Variants in CLN8 observed in about 807,000 individuals in gnomAD.
The protein encoded by CLN8 is protein CLN8.
In CLN8, 14 loss-of-function variants were observed where a neutral mutation model predicts 15.7. The ratio of observed to expected loss-of-function variants is 0.89; its 90% CI spans 0.59 to 1.39. CLN8 has a LOEUF of 1.39. Ranked by LOEUF, CLN8 falls within the 40% of genes most tolerant of loss-of-function variation. CLN8 has a pLI of 0.00. For synonymous variants in CLN8, 188 were observed against 151.0 expected (o/e 1.25, Z -1.80); for missense variants, 415 against 364.0 (o/e 1.14, Z -1.14).
Position 1,771,104 on chromosome 8 carries a change from A to G in CLN8, c.50A>G (p.Asp17Gly), listed in dbSNP as rs148668081. The G allele has an allele frequency of 3.4e-5, 55 of 1,613,860 alleles. No individual in the cohort carries two copies. The African/African-American group carries it at 5.7e-4, about 17-fold the overall frequency. ...ACATCAGAGAGCATTTTTGACCTGG[A>G]CTATGCATCCTGGGGGATCCGCTCC... is the stretch of plus-strand genomic sequence containing the variant. Reference protein sequence around the residue: ...GGTSESIFDLDYASWGIRSTL... With the variant: ...GGTSESIFDLGYASWGIRSTL... Residue 17 changes from aspartate (D) to glycine (G), a missense_variant, in exon 2 of 3, where the codon GAC becomes GGC. Physicochemically the swap from Asp to Gly is moderately conservative, Grantham distance 94. Coordinates refer to ENST00000331222, the MANE Select transcript of CLN8 (RefSeq NM_018941.4).
intron 2 of CLN8, chr8:1,773,741 G>A (rs1300504990): frequency 6.6e-6 from 1 of 152,248 alleles, no homozygotes; most frequent in African/African-American, 2.4e-5. Flanking sequence ...TGGAGGAAGA[G>A]GCCTTGGCCT....
At chr8:1,753,810 C>T (rs1313363413), upstream of CLN8, among the ~76,000 whole-genome samples, 4 of 151,268 alleles carry the variant, frequency 2.6e-5, no homozygotes, top group South Asian at 2.1e-4. Flanking sequence ...TGCTTGAACC[C>T]GGGAGGCAGA....
At chr8:1,779,614 A>T (rs1801644655) in intron 2 of CLN8, among the ~76,000 whole-genome samples, 1 of 152,206 alleles carries the variant, frequency 6.6e-6, no homozygotes, top group African/African-American at 2.4e-5. Context: ...AGACTGCCAT[A>T]GACTAGGCAG....
chr8:1,765,200 G>T (rs767307479), intron 1 of CLN8: 3 of 152,224 alleles, frequency 2.0e-5, no homozygotes, highest in Non-Finnish European at 2.9e-5. Context: ...CGAGGAACTG[G>T]GCAAAAGCCT....
At chr8:1,771,754 G>A (rs139389495) in intron 2 of CLN8, among the ~76,000 whole-genome samples, 157 bp downstream of exon 2, 2 of 152,124 alleles carry the variant, frequency 1.3e-5, no homozygotes, top group African/African-American at 4.8e-5. Flanking sequence ...TTCTGGTTTT[G>A]TTTATTTATT....
intron 2 of CLN8, chr8:1,772,813 T>C (rs1489527837): frequency 2.5e-6 from 1 of 393,984 alleles, no homozygotes; most frequent in Non-Finnish European, 4.5e-6. Context: ...CTTGCTATCT[T>C]TTATGACCCA....
intron 1 of CLN8, chr8:1,758,613 G>A (rs1306005195): frequency 6.6e-6 from 1 of 152,224 alleles, no homozygotes; most frequent in African/African-American, 2.4e-5. Context: ...GTGTGGAGGT[G>A]TACATGTTGC....
chr8:1,778,933 T>C (rs1801615269), intron 2 of CLN8, among the ~76,000 whole-genome samples: 1 of 152,232 alleles, frequency 6.6e-6, no homozygotes, highest in Non-Finnish European at 1.5e-5. Context: ...TCATGGTATA[T>C]AGCCTGGCCT....
At chr8:1,763,389 G>C (rs1476327209), upstream of CLN8, 66 of 31,242 alleles carry the variant, frequency 2.1e-3, 7 homozygotes, top group Middle Eastern at 0.024. Flanking sequence ...CACAGCGCCC[G>C]CCGCGCCGCG....
intron 2 of CLN8, among the ~76,000 whole-genome samples, chr8:1,777,009 T>C (rs2129014082): frequency 6.6e-6 from 1 of 152,328 alleles, no homozygotes; most frequent in African/African-American, 2.4e-5. Flanking sequence ...CATACGTTGC[T>C]TAACGACGGG....
In CLN8 at chr8:1,786,148, C is replaced by G. The variant is rs1452320210; in HGVS notation, c.*5581C>G. The G allele has an allele frequency of 9.2e-5, 14 of 152,274 alleles. No homozygotes were observed. The highest frequency in any genetic ancestry group is 4.6e-4 in the Admixed American group (7 of 15,274). The allele number at this position is 152,274 out of a possible 1,614,324, so 9.4% of individuals were successfully genotyped here. A position where few individuals can be genotyped will look rare whatever the true frequency, so the allele number is the denominator to read the frequency against. ...ATACCTGGCTTTGCTCTGTGCAGAA[C>G]CCAGCACACGTGATTTTGTGTGACA... On this transcript the variant is annotated 3_prime_UTR_variant, in exon 3 of 3. Transcript: ENST00000331222.
upstream of CLN8, among the ~76,000 whole-genome samples, chr8:1,761,647 A>G (rs1190133294): frequency 6.6e-6 from 1 of 152,036 alleles, no homozygotes; most frequent in Non-Finnish European, 1.5e-5. Context: ...GTTTTTAAGG[A>G]TAATTTGGTA....
chr8:1,765,710 A>G (rs943915275), intron 1 of CLN8, among the ~76,000 whole-genome samples: 6 of 152,244 alleles, frequency 3.9e-5, no homozygotes, highest in African/African-American at 1.4e-4. Flanking sequence ...AGATTAGATA[A>G]TAAGATTGGT....
In CLN8 at chr8:1,780,779, G is replaced by C. The variant is rs1801693025; in HGVS notation, c.*212G>C. 1 of 620,402 alleles carries C rather than the reference G, an allele frequency of 1.6e-6. No individual in the cohort carries two copies. The highest frequency in any genetic ancestry group is 2.8e-6 in the Non-Finnish European group (1 of 358,872). 38.4% of individuals were successfully genotyped at this position (620,402 alleles called of 1,614,324 possible). A position where few individuals can be genotyped will look rare whatever the true frequency, so the allele number is the denominator to read the frequency against. On this transcript the variant is annotated 3_prime_UTR_variant, in exon 3 of 3. Transcript: ENST00000331222. ...ATTTTATGACTGTCTGGCAGGCTCTGTCAGTTTAGCCGCGCCGGACCGTGT... is the reference window on the plus strand; with the variant it reads ...ATTTTATGACTGTCTGGCAGGCTCTCTCAGTTTAGCCGCGCCGGACCGTGT...
chr8:1,757,683 C>T (rs1041549836), intron 1 of CLN8, among the ~76,000 whole-genome samples: 6 of 152,126 alleles, frequency 3.9e-5, no homozygotes, highest in African/African-American at 7.2e-5. Flanking sequence ...CCACCCGCCT[C>T]GGCCTCCCAG....
At chr8:1,754,270 A>G (rs573653481), upstream of CLN8, among the ~76,000 whole-genome samples, 2 of 152,192 alleles carry the variant, frequency 1.3e-5, no homozygotes, top group Admixed American at 1.3e-4. Context: ...GTACTTTCAT[A>G]CTTTTTCTAA....
At chr8:1,772,551 CG>C (rs1305422302) in intron 2 of CLN8, among the ~76,000 whole-genome samples, 6 of 152,132 alleles carry the variant, frequency 3.9e-5, no homozygotes, top group African/African-American at 1.4e-4. Context: ...CTCCGCCACC[CG>C]GATTCAAGCA....
rs1401841069 is a variant in CLN8, at chr8:1,784,995, GGGA to G, written c.*4433_*4435del. ...GGTCAGCTGCCTTTCCTTCATGCTG[GGGA>G]GGAGATGTTGTGTGCATGTGAGAAA... On this transcript the variant is annotated 3_prime_UTR_variant, in exon 3 of 3. Coordinates refer to ENST00000331222, the MANE Select transcript of CLN8 (RefSeq NM_018941.4). 6.0e-5 allele frequency: 8 copies of G among 132,274 alleles called. No individual in the cohort carries two copies. The highest frequency in any genetic ancestry group is 1.8e-4 in the African/African-American group (7 of 39,284). The allele number at this position is 132,274 out of a possible 1,614,324, so 8.2% of individuals were successfully genotyped here.
chr8:1,776,648 CTTTG>C (rs1563111823), intron 2 of CLN8, among the ~76,000 whole-genome samples: 1 of 152,162 alleles, frequency 6.6e-6, no homozygotes, highest in East Asian at 1.9e-4. Flanking sequence ...TTTGTCAGCT[CTTTG>C]TTTACTTGAT....
Sources: gnomAD v4.1 joint callset for allele counts (sites outside exome capture counted in the v4.1 genomes callset) on GRCh38, gnomAD v4.1.1 for gene constraint, MANE v1.5 for transcripts, NCBI Gene and HGNC (gene_info 2026-07-23, HGNC 2026-07-21) for gene names.